The following EFCAB5 variants were observed in gnomAD, a reference collection of about 807,000 sequenced individuals.
EFCAB5 encodes EF-hand calcium-binding domain-containing protein 5.
A neutral mutation model predicts 167.9 loss-of-function variants in EFCAB5; 131 were observed. That is an observed-to-expected ratio of 0.78 (90% confidence interval 0.68 to 0.90). The LOEUF is 0.90. Among genes scored for constraint, EFCAB5 ranks in the 40% least tolerant of loss-of-function variants. The pLI is 0.00. For missense variants in EFCAB5, 1,663 were observed against 1,745.2 expected, an observed-to-expected ratio of 0.95 and a Z score of 0.84; for synonymous variants, 574 against 602.8, an observed-to-expected ratio of 0.95 and a Z score of 0.70.
chr17:30,052,723 T>C (rs2070137012), intron 9 of EFCAB5, among the ~76,000 whole-genome samples: 1 of 152,150 alleles, frequency 6.6e-6, no homozygotes. Context: ...TATTCTGTTC[T>C]AGGTATCCAC....
intron 3 of EFCAB5, among the ~76,000 whole-genome samples, chr17:29,961,172 T>G (rs938462647): frequency 6.6e-6 from 1 of 152,216 alleles, no homozygotes; most frequent in Non-Finnish European, 1.5e-5. Context: ...TGTGAAGTGG[T>G]ATCTCATTGT....
chr17:30,017,242 CAA>C (rs1408942704), intron 7 of EFCAB5, among the ~76,000 whole-genome samples: 3 of 151,960 alleles, frequency 2.0e-5, no homozygotes, highest in African/African-American at 7.2e-5. Context: ...AATAGAATAA[CAA>C]TATGCATATT....
intron 3 of EFCAB5, among the ~76,000 whole-genome samples, chr17:29,964,623 C>T (rs1176757249): frequency 6.6e-6 from 1 of 151,964 alleles, no homozygotes; most frequent in Non-Finnish European, 1.5e-5. Context: ...GTTTTTTAAT[C>T]TCTGTAAGGT....
chr17:29,941,771 A>C lies in EFCAB5; in HGVS notation c.-26A>C. On this transcript the variant is annotated 5_prime_UTR_variant, in exon 1 of 23. Coordinates refer to ENST00000394835, the MANE Select transcript of EFCAB5 (RefSeq NM_198529.4). ...TGGTCTAGTAATATTCTTCTATACC[A>C]TTTGGTGATAACTTTTGGAGTCCAA... 1 of 1,586,652 alleles carries C rather than the reference A, an allele frequency of 6.3e-7. No homozygotes were observed. Among genetic ancestry groups the C allele is most frequent in the Non-Finnish European group, 8.6e-7 (1 of 1,162,592 alleles).
intron 12 of EFCAB5, 36 bp from the exon 13 acceptor site, chr17:30,057,640 T>A (rs1318339798): frequency 6.4e-7 from 1 of 1,571,966 alleles, no homozygotes; most frequent in Admixed American, 1.7e-5. Flanking sequence ...AAAAAATTGT[T>A]CACTTTACTG....
At chr17:30,080,001 A>G in intron 15 of EFCAB5, 71 bp from the exon 16 acceptor site, 1 of 1,514,276 alleles carries the variant, frequency 6.6e-7, no homozygotes, top group Non-Finnish European at 8.9e-7. Context: ...TGAATTAACT[A>G]GTAAGGGGGA....
chr17:30,005,975 A>T (rs1417117123), intron 7 of EFCAB5, among the ~76,000 whole-genome samples: 2 of 152,130 alleles, frequency 1.3e-5, no homozygotes, highest in Non-Finnish European at 2.9e-5. Flanking sequence ...CTCTGAATCC[A>T]CCTATAACCT....
intron 3 of EFCAB5, among the ~76,000 whole-genome samples, chr17:29,953,950 G>A (rs1436208424): frequency 6.6e-6 from 1 of 152,188 alleles, no homozygotes; most frequent in Admixed American, 6.5e-5. Flanking sequence ...AAGGTGACTT[G>A]CTATGTTTTA....
intron 22 of EFCAB5, among the ~76,000 whole-genome samples, chr17:30,098,182 A>G (rs1021436921): frequency 2.0e-5 from 3 of 151,532 alleles, no homozygotes; most frequent in Non-Finnish European, 2.9e-5. Context: ...GGATTCTCCC[A>G]CCTCAGCCTC....
At chr17:29,975,989 C>A (rs960207101) in intron 4 of EFCAB5, among the ~76,000 whole-genome samples, 2 of 152,182 alleles carry the variant, frequency 1.3e-5, no homozygotes, top group African/African-American at 4.8e-5. Context: ...ATGCAGGAAG[C>A]AGTTTCATTA....
At chr17:30,080,277 T>C (rs2070958522) in intron 16 of EFCAB5, 36 bp downstream of exon 16, 1 of 1,491,488 alleles carries the variant, frequency 6.7e-7, no homozygotes, top group African/African-American at 1.4e-5. Flanking sequence ...TTCACCCTCC[T>C]AAAAAAATAA....
At chr17:30,015,576 G>A (rs138560209) in intron 7 of EFCAB5, among the ~76,000 whole-genome samples, 5 of 152,106 alleles carry the variant, frequency 3.3e-5, no homozygotes, top group African/African-American at 7.2e-5. Context: ...TCCCACCAGC[G>A]GTTTACAAGG....
chr17:30,095,313 C>T (rs2151852931), intron 22 of EFCAB5, among the ~76,000 whole-genome samples: 1 of 152,258 alleles, frequency 6.6e-6, no homozygotes, highest in South Asian at 2.1e-4. Context: ...ACTTCTCCTA[C>T]AGGGGTCCCA....
chr17:29,940,344 T>A (rs1193950248), upstream of EFCAB5, among the ~76,000 whole-genome samples: 4 of 152,182 alleles, frequency 2.6e-5, no homozygotes, highest in South Asian at 6.2e-4. Context: ...CCCAAAGTGC[T>A]GGGATTACAA....
rs750680994 is a variant in EFCAB5 at position 30,057,803 on chromosome 17, T to A, written c.2493T>A (p.Ala831=). 6.2e-7 allele frequency: 1 copy of A among 1,613,838 alleles called. No homozygotes were observed. The highest frequency in any genetic ancestry group is 8.5e-7 in the Non-Finnish European group (1 of 1,179,778). Residue 831 remains alanine, a synonymous_variant, in exon 13 of 23, where the codon GCT becomes GCA. Coordinates refer to ENST00000394835, the MANE Select transcript of EFCAB5 (RefSeq NM_198529.4). ...QLLETFVGED[A]PLSVSETLTS... ...TGGAGACATTTGTTGGTGAAGACGC[T>A]CCCTTGAGTGTCAGCGAGACTCTCA...
intron 3 of EFCAB5, among the ~76,000 whole-genome samples, chr17:29,948,279 C>T (rs565980531): frequency 6.6e-6 from 1 of 152,198 alleles, no homozygotes; most frequent in East Asian, 1.9e-4. Context: ...TTTTCACCTC[C>T]CCAGAAAACA....
intron 1 of EFCAB5, among the ~76,000 whole-genome samples, chr17:29,935,719 A>AC (rs1427747137): frequency 6.7e-6 from 1 of 149,662 alleles, no homozygotes; most frequent in African/African-American, 2.5e-5. Flanking sequence ...AGAAAAAAAA[A>AC]AACAAACAAA....
intron 7 of EFCAB5, among the ~76,000 whole-genome samples, chr17:30,014,165 A>T (rs951866931): frequency 6.6e-6 from 1 of 152,204 alleles, no homozygotes; most frequent in African/African-American, 2.4e-5. Context: ...GTGGCCTGAG[A>T]GACAGACTGT....
intron 14 of EFCAB5, among the ~76,000 whole-genome samples, chr17:30,067,677 G>A (rs570030344): frequency 6.6e-6 from 1 of 152,118 alleles, no homozygotes; most frequent in Admixed American, 6.5e-5. Flanking sequence ...GGTTTAGAAG[G>A]AAAATACCTC....
Sources: allele counts gnomAD v4.1 joint callset (sites outside exome capture counted in the v4.1 genomes callset), GRCh38; gene constraint gnomAD v4.1.1; transcripts MANE v1.5; gene names NCBI Gene and HGNC (gene_info 2026-07-23, HGNC 2026-07-21).